Variants in GRIP1 observed in about 807,000 individuals in gnomAD.
The protein encoded by GRIP1 is glutamate receptor-interacting protein 1.
GRIP1 carries 45 observed loss-of-function variants against 129.9 expected under a neutral mutation model. That is an observed-to-expected ratio of 0.35 (90% CI 0.27 to 0.44). GRIP1 has a LOEUF of 0.44. Among genes scored for constraint, GRIP1 ranks in the 20% least tolerant of loss-of-function variants. The pLI is 1.00. For synonymous variants in GRIP1, 530 were observed against 520.8 expected (o/e 1.02, Z -0.24); for missense variants, 1,196 against 1,396.8 (o/e 0.86, Z 2.29).
intron 1 of GRIP1, among the ~76,000 whole-genome samples, chr12:66,787,823 C>A (rs2038402183): frequency 6.6e-6 from 1 of 151,916 alleles, no homozygotes; most frequent in Non-Finnish European, 1.5e-5. Context: ...ACTAAGATAC[C>A]CCCCAAAAGC....
chr12:66,542,493 C>T (rs2061816883), intron 2 of GRIP1, among the ~76,000 whole-genome samples: 1 of 152,140 alleles, frequency 6.6e-6, no homozygotes, highest in South Asian at 2.1e-4. Context: ...GCTTATGTAA[C>T]AATTCATGTC....
chr12:66,450,136 TA>T (rs1211397612), intron 11 of GRIP1, among the ~76,000 whole-genome samples: 3 of 150,896 alleles, frequency 2.0e-5, no homozygotes, highest in Non-Finnish European at 3.0e-5. Context: ...CCATCTCTAC[TA>T]AAAATACAAA....
Position 66,736,346 on chromosome 12 carries a change from ATTTTTTTTTTTTTTTTTTTTTTTTTTT to A in GRIP1, c.-420+67680_-420+67706del, listed in dbSNP as rs547706592. Among the ~76,000 whole-genome samples the A allele has an allele frequency of 8.2e-4, 55 of 67,022 alleles. 1 individual carries two copies. Among genetic ancestry groups the A allele is most frequent in the Admixed American group, 3.0e-3 (16 of 5,256 alleles). The allele number at this position is 67,022 out of a possible 152,430, so 44.0% of individuals were successfully genotyped here. On this transcript the variant is annotated intron_variant, in intron 1 of 4. Transcript: ENST00000538373. ...AGGTGTGCACCACCGTGCCTGGCTA[ATTTTTTTTTTTTTTTTTTTTTTTTTTT>A]TTTTTTTTTTTTTTTTTTTAGGATA...
upstream of GRIP1, among the ~76,000 whole-genome samples, chr12:66,682,078 C>T (rs1052681557): frequency 1.1e-4 from 16 of 152,132 alleles, no homozygotes; most frequent in African/African-American, 3.9e-4. Context: ...TAGCTTCTCA[C>T]CCCTGGCTAA....
At chr12:66,401,945 C>A (rs1013861663) in intron 16 of GRIP1, among the ~76,000 whole-genome samples, 2 of 152,098 alleles carry the variant, frequency 1.3e-5, no homozygotes, top group African/African-American at 4.8e-5. Context: ...TGTTTTAAGT[C>A]CTCTAATGGC....
chr12:66,545,825 A>G (rs1334306400), intron 2 of GRIP1, among the ~76,000 whole-genome samples: 1 of 152,216 alleles, frequency 6.6e-6, no homozygotes, highest in Non-Finnish European at 1.5e-5. Context: ...GTACCTTAAA[A>G]TTAATAATGA....
At chr12:66,757,318 G>A (rs1393182840) in intron 1 of GRIP1, among the ~76,000 whole-genome samples, 4 of 152,140 alleles carry the variant, frequency 2.6e-5, no homozygotes, top group Non-Finnish European at 4.4e-5. Context: ...CCACAAATAA[G>A]TGAGAATATG....
At chr12:66,559,038 C>T (rs1346333205) in intron 2 of GRIP1, among the ~76,000 whole-genome samples, 1 of 151,746 alleles carries the variant, frequency 6.6e-6, no homozygotes, top group Non-Finnish European at 1.5e-5. Context: ...ACAAATCAAT[C>T]AGTGTGATAT....
At chr12:66,438,054 C>T (rs1311590226) in intron 13 of GRIP1, among the ~76,000 whole-genome samples, 1 of 152,220 alleles carries the variant, frequency 6.6e-6, no homozygotes, top group African/African-American at 2.4e-5. Context: ...TTGTAGTTAA[C>T]AATAATTAAC....
chr12:66,740,812 A>T (rs1276185879), intron 1 of GRIP1, among the ~76,000 whole-genome samples: 2 of 146,242 alleles, frequency 1.4e-5, no homozygotes, highest in Non-Finnish European at 1.5e-5. Flanking sequence ...TTGGAGAGAT[A>T]AAAAAAAAAA....
intron 2 of GRIP1, among the ~76,000 whole-genome samples, chr12:66,592,281 T>C (rs2063875799): frequency 6.6e-6 from 1 of 152,202 alleles, no homozygotes; most frequent in African/African-American, 2.4e-5. Flanking sequence ...CTTGACTGTA[T>C]ACATCTTGGG....
At chr12:66,364,265 CAA>C (rs1159887365) in intron 23 of GRIP1, among the ~76,000 whole-genome samples, 84 of 16,344 alleles carry the variant, frequency 5.1e-3, no homozygotes, top group Middle Eastern at 0.045. Context: ...GACTCCATCT[CAA>C]AAAAAAAAAA....
intron 24 of GRIP1, among the ~76,000 whole-genome samples, chr12:66,351,225 C>T (rs1162966242): frequency 6.6e-6 from 1 of 152,174 alleles, no homozygotes; most frequent in Admixed American, 6.5e-5. Flanking sequence ...GAGTGGCAGC[C>T]TCCTGCTTTG....
intron 1 of GRIP1, among the ~76,000 whole-genome samples, chr12:66,741,334 T>A (rs2036780641): frequency 6.6e-6 from 1 of 152,208 alleles, no homozygotes; most frequent in Non-Finnish European, 1.5e-5. Context: ...TTCTCTTTAC[T>A]CATCTCCACC....
At chr12:67,005,870 C>G (rs1284846916) in intron 1 of GRIP1, among the ~76,000 whole-genome samples, 1 of 152,188 alleles carries the variant, frequency 6.6e-6, no homozygotes, top group Admixed American at 6.5e-5. Flanking sequence ...TACTTAACAA[C>G]TACACCAATG....
intron 19 of GRIP1, among the ~76,000 whole-genome samples, chr12:66,387,091 A>G (rs1334147028): frequency 6.6e-6 from 1 of 152,180 alleles, no homozygotes; most frequent in Non-Finnish European, 1.5e-5. Flanking sequence ...AGAAGTGGAG[A>G]GAAGACACCT....
At chr12:66,662,135 T>C (rs900739765) in intron 1 of GRIP1, among the ~76,000 whole-genome samples, 1 of 152,070 alleles carries the variant, frequency 6.6e-6, no homozygotes, top group Admixed American at 6.6e-5. Context: ...GGTTCTGCGG[T>C]TCAGATGAGT....
intron 1 of GRIP1, among the ~76,000 whole-genome samples, chr12:66,842,786 C>G (rs2039744439): frequency 6.6e-6 from 1 of 151,886 alleles, no homozygotes; most frequent in African/African-American, 2.4e-5. Flanking sequence ...ATCAATAAAC[C>G]AATGTTTTTG....
At chr12:66,866,683 T>TTA (rs2040210523) in intron 1 of GRIP1, among the ~76,000 whole-genome samples, 1 of 152,106 alleles carries the variant, frequency 6.6e-6, no homozygotes. Flanking sequence ...TTCCATGTGA[T>TTA]TATTATGCAT....
Sources: gnomAD v4.1 joint callset for allele counts (sites outside exome capture counted in the v4.1 genomes callset) on GRCh38, gnomAD v4.1.1 for gene constraint, MANE v1.5 for transcripts, NCBI Gene and HGNC (gene_info 2026-07-23, HGNC 2026-07-21) for gene names.